The following SLC35F3 variants were observed in gnomAD, a reference collection of about 807,000 sequenced individuals.
SLC35F3 encodes solute carrier family 35 member F3.
In SLC35F3, 25 loss-of-function variants were observed where a neutral mutation model predicts 49.9. The ratio of observed to expected loss-of-function variants is 0.50; its 90% CI spans 0.37 to 0.70. The LOEUF is 0.70. SLC35F3 is among the 30% of genes least tolerant of loss of function. SLC35F3 has a pLI of 0.00. For synonymous variants in SLC35F3, 275 were observed against 265.4 expected, an observed-to-expected ratio of 1.04 and a Z score of -0.35; for missense variants, 525 against 639.8, an observed-to-expected ratio of 0.82 and a Z score of 1.94.
intron 2 of SLC35F3, among the ~76,000 whole-genome samples, chr1:234,058,074 T>TCA (rs1237122263): frequency 4.6e-5 from 7 of 152,162 alleles, no homozygotes; most frequent in Non-Finnish European, 1.0e-4. Context: ...ATATTTGTTA[T>TCA]GGGTTTGCAT....
In SLC35F3 at chr1:234,222,398, G is replaced by A. The variant is rs1003489773; in HGVS notation, c.284-9019G>A. Among the ~76,000 whole-genome samples the A allele has an allele frequency of 1.3e-3, 201 of 152,306 alleles. 2 individuals carry two copies. The highest frequency in any genetic ancestry group is 2.1e-4 in the Non-Finnish European group (14 of 68,022). The stretch of plus-strand genomic sequence containing the variant: ...GACCAAGCAAGTTTAGTCCTGCCTT[G>A]TTGATGCATAACGACTCTGCTGAGA... On this transcript the variant is annotated intron_variant, in intron 2 of 7. Coordinates refer to ENST00000366618, the MANE Select transcript of SLC35F3 (RefSeq NM_173508.4).
At chr1:234,288,640 T>G (rs1382082683) in intron 3 of SLC35F3, among the ~76,000 whole-genome samples, 1 of 152,246 alleles carries the variant, frequency 6.6e-6, no homozygotes, top group African/African-American at 2.4e-5. Flanking sequence ...GCCAGCCTCT[T>G]TGCTGATTGC....
intron 2 of SLC35F3, among the ~76,000 whole-genome samples, chr1:234,188,073 T>G (rs2102927288): frequency 6.6e-6 from 1 of 152,022 alleles, no homozygotes; most frequent in East Asian, 1.9e-4. Context: ...CCGTCTCTAC[T>G]AAAAATACAA....
At chr1:234,157,192 A>G (rs1179430289) in intron 2 of SLC35F3, among the ~76,000 whole-genome samples, 1 of 152,178 alleles carries the variant, frequency 6.6e-6, no homozygotes, top group Non-Finnish European at 1.5e-5. Context: ...AAAAATCTGT[A>G]TGTTTTACCT....
At position 234,309,081 on chromosome 1, in the gene SLC35F3, C is replaced by A; in HGVS notation, c.609-20C>A. 1.9e-6 allele frequency: 3 copies of A among 1,602,864 alleles called. No individual in the cohort carries two copies. The highest frequency in any genetic ancestry group is 2.6e-6 in the Non-Finnish European group (3 of 1,170,938). On this transcript the variant is annotated intron_variant, in intron 3 of 7. Coordinates refer to ENST00000366618, the MANE Select transcript of SLC35F3 (RefSeq NM_173508.4). The stretch of plus-strand genomic sequence containing the variant: ...TGAACCCAGGAAAATAATAACGATG[C>A]CTCTCTTTCCTTGTTTTAGGGAATG...
chr1:234,137,436 G>A lies in SLC35F3; in HGVS notation c.284-93981G>A, dbSNP rs183458356. ...TGACTTAGCAATCCCCAGAGCATCA[G>A]TGATCATGGGAAGAGCACATAGAGC... On this transcript the variant is annotated intron_variant, in intron 2 of 7. Transcript: ENST00000366618. Among the ~76,000 whole-genome samples, 5 of 152,342 alleles carry A rather than the reference G, an allele frequency of 3.3e-5. No individual in the cohort carries two copies. The East Asian group carries it at 5.8e-4, about 18-fold the overall frequency.
chr1:233,943,030 A>C (rs1405881005), intron 2 of SLC35F3, among the ~76,000 whole-genome samples: 1 of 152,220 alleles, frequency 6.6e-6, no homozygotes, highest in Non-Finnish European at 1.5e-5. Context: ...AAATGACAGG[A>C]TTTCCTGTTG....
chr1:234,098,959 G>A (rs1572051466), intron 2 of SLC35F3, among the ~76,000 whole-genome samples: 1 of 151,952 alleles, frequency 6.6e-6, no homozygotes, highest in African/African-American at 2.4e-5. Flanking sequence ...GTTATAGGGT[G>A]ATGATGGAGG....
At chr1:234,055,285 T>G (rs1486779283) in intron 2 of SLC35F3, among the ~76,000 whole-genome samples, 1 of 152,140 alleles carries the variant, frequency 6.6e-6, no homozygotes, top group African/African-American at 2.4e-5. Flanking sequence ...CAGGCCTCCT[T>G]GAGCTGCAGT....
chr1:234,116,492 C>A (rs1378890442), intron 2 of SLC35F3, among the ~76,000 whole-genome samples: 3 of 136,566 alleles, frequency 2.2e-5, no homozygotes, highest in African/African-American at 7.5e-5. Flanking sequence ...CTCCCACCCC[C>A]CATTATTTTT....
At position 234,175,513 on chromosome 1, in the gene SLC35F3, C is replaced by G. The variant is rs544623475; in HGVS notation, c.284-55904C>G. Among the ~76,000 whole-genome samples, 8 of 152,090 alleles carry G rather than the reference C, an allele frequency of 5.3e-5. No individual in the cohort carries two copies. The South Asian group carries it at 1.7e-3, about 32-fold the overall frequency. On this transcript the variant is annotated intron_variant, in intron 2 of 7. Coordinates refer to ENST00000366618, the MANE Select transcript of SLC35F3 (RefSeq NM_173508.4). ...CACCACCAGCTGGCTAGGAGAGGGT[C>G]TGGGCTTCATGCCACGGCTCATGCC...
chr1:234,217,973 G>T (rs935511142), intron 2 of SLC35F3, among the ~76,000 whole-genome samples: 2 of 152,136 alleles, frequency 1.3e-5, no homozygotes, highest in African/African-American at 4.8e-5. Flanking sequence ...GGGAGGAGAG[G>T]CAGTTTCAGG....
intron 3 of SLC35F3, among the ~76,000 whole-genome samples, chr1:234,293,292 G>C (rs1668537243): frequency 6.6e-6 from 1 of 152,230 alleles, no homozygotes; most frequent in African/African-American, 2.4e-5. Flanking sequence ...GAGCAGGCAG[G>C]AGCCCTGAGG....
chr1:234,018,687 A>T (rs1418004765), intron 2 of SLC35F3, among the ~76,000 whole-genome samples: 1 of 152,202 alleles, frequency 6.6e-6, no homozygotes, highest in African/African-American at 2.4e-5. Flanking sequence ...GATCCATTCT[A>T]TTAACCTCCC....
At chr1:234,155,108 CTAT>C (rs1397110856) in intron 2 of SLC35F3, among the ~76,000 whole-genome samples, 2 of 152,032 alleles carry the variant, frequency 1.3e-5, no homozygotes, top group African/African-American at 4.8e-5. Context: ...TTTTTTACTT[CTAT>C]TATTATTTAT....
chr1:234,274,734 A>C (rs1268650881), intron 3 of SLC35F3, among the ~76,000 whole-genome samples: 1 of 152,212 alleles, frequency 6.6e-6, no homozygotes, highest in Admixed American at 6.5e-5. Flanking sequence ...CTGGCTGGTG[A>C]CTTTGCCCCT....
chr1:234,107,011 C>T (rs1031668314), intron 2 of SLC35F3, among the ~76,000 whole-genome samples: 12 of 152,196 alleles, frequency 7.9e-5, no homozygotes, highest in African/African-American at 2.9e-4. Context: ...TGTTATGTAA[C>T]AACCAAACTC....
rs145648603 is a variant in SLC35F3, at chr1:234,244,681, A to G, written c.608+12940A>G. 7.9e-3 allele frequency among the ~76,000 whole-genome samples: 1,201 copies of G among 151,490 alleles called. 18 individuals carry two copies. Among genetic ancestry groups the G allele is most frequent in the African/African-American group, 0.028 (1,141 of 41,248 alleles). ...AGTAGACTAGCAGAGGGGAAGTTCC[A>G]TTATGCCATCTGATTGAACTGAGAG... On this transcript the variant is annotated intron_variant, in intron 3 of 7. Coordinates refer to ENST00000366618, the MANE Select transcript of SLC35F3 (RefSeq NM_173508.4).
intron 3 of SLC35F3, among the ~76,000 whole-genome samples, chr1:234,234,296 T>C (rs1003919685): frequency 1.5e-4 from 23 of 152,118 alleles, no homozygotes; most frequent in African/African-American, 5.3e-4. Context: ...TTTCTTGCAG[T>C]TATCAGGAGG....
Sources: allele counts gnomAD v4.1 joint callset (sites outside exome capture counted in the v4.1 genomes callset), GRCh38; gene constraint gnomAD v4.1.1; transcripts MANE v1.5; gene names NCBI Gene and HGNC (gene_info 2026-07-23, HGNC 2026-07-21).